TLK1: variants seen among roughly 807,000 people sequenced by gnomAD.
The protein encoded by TLK1 is tousled like kinase 1, also known as serine/threonine-protein kinase tousled-like 1.
Under a neutral mutation model 105.3 loss-of-function variants are expected in TLK1, and 24 were observed. The observed-to-expected ratio is 0.23, with a 90% confidence interval of 0.17 to 0.32. TLK1 has a LOEUF of 0.32. TLK1 is among the 10% of genes least tolerant of loss of function. The pLI is 1.00. For missense variants in TLK1, 558 were observed against 910.5 expected (o/e 0.61, Z 4.98); for synonymous variants, 321 against 310.4 (o/e 1.03, Z -0.36).
At chr2:171,117,667 A>C in intron 2 of TLK1, 72 bp downstream of exon 2, 2 of 1,187,598 alleles carry the variant, frequency 1.7e-6, no homozygotes, top group Middle Eastern at 4.1e-4. Flanking sequence ...TTATGTAGGA[A>C]TCCTTTACAT....
intron 1 of TLK1, among the ~76,000 whole-genome samples, chr2:171,215,132 G>C (rs1211128103): frequency 6.6e-6 from 1 of 152,098 alleles, no homozygotes. Flanking sequence ...GTAGAGGCGG[G>C]CACTTGCTAT....
chr2:171,029,662 C>CT (rs1685944745), intron 11 of TLK1, among the ~76,000 whole-genome samples: 1 of 152,026 alleles, frequency 6.6e-6, no homozygotes, highest in Non-Finnish European at 1.5e-5. Context: ...AGATACAGGA[C>CT]TTTAAGTCTT....
intron 1 of TLK1, among the ~76,000 whole-genome samples, chr2:171,154,699 T>C (rs1000788789): frequency 6.6e-6 from 1 of 152,206 alleles, no homozygotes; most frequent in African/African-American, 2.4e-5. Flanking sequence ...TACTACTTCA[T>C]AACAATATTC....
chr2:171,174,305 T>C (rs1575646392), intron 1 of TLK1, among the ~76,000 whole-genome samples: 1 of 152,052 alleles, frequency 6.6e-6, no homozygotes, highest in Non-Finnish European at 1.5e-5. Context: ...ACCTATTCTT[T>C]CCCCCACCCT....
intron 2 of TLK1, among the ~76,000 whole-genome samples, chr2:171,095,415 A>G (rs1225383100): frequency 6.6e-6 from 1 of 152,196 alleles, no homozygotes. Flanking sequence ...AAATTACTAC[A>G]ATCAGAAATG....
At chr2:171,152,913 T>TA (rs3841887) in intron 1 of TLK1, among the ~76,000 whole-genome samples, 1,977 of 152,270 alleles carry the variant, frequency 0.013, 53 homozygotes, top group Admixed American at 0.059. Context: ...AAACTTATCT[T>TA]AAAAAAATGA....
intron 18 of TLK1, 70 bp downstream of exon 18, chr2:171,006,077 A>G: frequency 7.1e-7 from 1 of 1,413,034 alleles, no homozygotes; most frequent in South Asian, 1.8e-5. Context: ...ATAAAAAAAA[A>G]AACACTAAAT....
chr2:171,108,459 A>G (rs1346485527), intron 2 of TLK1, among the ~76,000 whole-genome samples: 1 of 152,216 alleles, frequency 6.6e-6, no homozygotes. Flanking sequence ...GTAAAGTACA[A>G]GAAGACATTA....
At chr2:171,057,901 C>T (rs1286336681) in intron 5 of TLK1, among the ~76,000 whole-genome samples, 1 of 151,936 alleles carries the variant, frequency 6.6e-6, no homozygotes, top group Non-Finnish European at 1.5e-5. Context: ...AACTGAAACA[C>T]TAATATGTAT....
upstream of TLK1, among the ~76,000 whole-genome samples, chr2:171,162,408 C>T (rs1046721948): frequency 5.3e-4 from 80 of 152,230 alleles, no homozygotes; most frequent in African/African-American, 1.7e-3. Flanking sequence ...TGTAGCGGCA[C>T]GCGCCTGAAG....
intron 1 of TLK1, among the ~76,000 whole-genome samples, chr2:171,155,295 T>A (rs945325508): frequency 6.6e-6 from 1 of 152,180 alleles, no homozygotes; most frequent in Non-Finnish European, 1.5e-5. Context: ...CTGAAATATA[T>A]TACAACTCTA....
chr2:171,008,725 TA>T (rs1459043682), intron 14 of TLK1, among the ~76,000 whole-genome samples: 2 of 152,014 alleles, frequency 1.3e-5, no homozygotes, highest in Non-Finnish European at 2.9e-5. Flanking sequence ...GAAAGGGCTT[TA>T]AAGGGCTTAG....
chr2:171,067,308 C>G (rs1024021530), intron 3 of TLK1, among the ~76,000 whole-genome samples: 2 of 143,314 alleles, frequency 1.4e-5, no homozygotes, highest in Non-Finnish European at 3.1e-5. Context: ...TACAGGCACC[C>G]GCCACCACAC....
chr2:171,123,053 TAAATACAC>T (rs1177111798), intron 1 of TLK1, among the ~76,000 whole-genome samples: 20 of 91,474 alleles, frequency 2.2e-4, no homozygotes, highest in East Asian at 9.8e-4. Flanking sequence ...AATAAATAAA[TAAATACAC>T]ACACACACAC....
chr2:170,993,759 C>G lies in TLK1; in HGVS notation c.*21G>C. On this transcript the variant is annotated 3_prime_UTR_variant, in exon 21 of 21. Transcript: ENST00000431350. Reference sequence around the variant, plus strand: ...CATCTGGAAGCAAATTCAAAGATATCATGCCAATCTTGGAGGAAAGTCAGT... The same window carrying G: ...CATCTGGAAGCAAATTCAAAGATATGATGCCAATCTTGGAGGAAAGTCAGT... The G allele has an allele frequency of 6.7e-7, 1 of 1,491,130 alleles. No individual in the cohort carries two copies. Among genetic ancestry groups the G allele is most frequent in the Non-Finnish European group, 9.0e-7 (1 of 1,113,570 alleles). 92.4% of individuals were successfully genotyped at this position (1,491,130 alleles called of 1,614,324 possible). A position where few individuals can be genotyped will look rare whatever the true frequency, so the allele number is the denominator to read the frequency against.
At chr2:171,129,882 T>TAA (rs1043355090) in intron 1 of TLK1, among the ~76,000 whole-genome samples, 3 of 151,194 alleles carry the variant, frequency 2.0e-5, no homozygotes, top group African/African-American at 4.9e-5. Flanking sequence ...TAACATAACA[T>TAA]AACATGGGTA....
chr2:171,204,423 T>C (rs1273951708), intron 1 of TLK1, among the ~76,000 whole-genome samples: 6 of 152,100 alleles, frequency 3.9e-5, no homozygotes, highest in African/African-American at 1.4e-4. Context: ...AAAATAAAGG[T>C]AGACTTAGAA....
chr2:171,039,779 C>T (rs556689279), intron 11 of TLK1, among the ~76,000 whole-genome samples: 1 of 152,206 alleles, frequency 6.6e-6, no homozygotes, highest in African/African-American at 2.4e-5. Context: ...CAAGTAACTA[C>T]CAACCCAAAA....
chr2:171,135,319 G>GTGTGTATA (rs533903072), intron 1 of TLK1, among the ~76,000 whole-genome samples: 9 of 70,312 alleles, frequency 1.3e-4, no homozygotes, highest in African/African-American at 4.9e-4. Flanking sequence ...GTGTGTGTGT[G>GTGTGTATA]TATATATATA....
Sources: gnomAD v4.1 joint callset for allele counts (sites outside exome capture counted in the v4.1 genomes callset) on GRCh38, gnomAD v4.1.1 for gene constraint, MANE v1.5 for transcripts, NCBI Gene and HGNC (gene_info 2026-07-23, HGNC 2026-07-21) for gene names.